Variants in PPARGC1A observed in about 807,000 individuals in gnomAD.
PPARGC1A encodes the protein peroxisome proliferator-activated receptor gamma coactivator 1-alpha.
PPARGC1A carries 25 observed loss-of-function variants against 88.7 expected under a neutral mutation model. The observed-to-expected ratio is 0.28, with a 90% CI of 0.21 to 0.39. PPARGC1A has a LOEUF of 0.39. Among genes scored for constraint, PPARGC1A ranks in the 10% least tolerant of loss-of-function variants. The pLI is 1.00. For missense variants in PPARGC1A, 880 were observed against 968.7 expected, an observed-to-expected ratio of 0.91 and a Z score of 1.22; for synonymous variants, 363 against 355.6, an observed-to-expected ratio of 1.02 and a Z score of -0.24.
the PPARGC1A span, among the ~76,000 whole-genome samples, chr4:23,945,712 T>G: frequency 6.6e-6 from 1 of 152,144 alleles, no homozygotes; most frequent in Non-Finnish European, 1.5e-5. Flanking sequence ...AAGCCTGCCT[T>G]ATAGATCTGT....
At chr4:23,815,660 C>CGTTTGTG (rs558490679) in intron 7 of PPARGC1A, among the ~76,000 whole-genome samples, 163 of 152,224 alleles carry the variant, frequency 1.1e-3, no homozygotes, top group Non-Finnish European at 2.0e-3. Flanking sequence ...CCTACTCATC[C>CGTTTGTG]GTTTGTGCCG....
intron 2 of PPARGC1A, among the ~76,000 whole-genome samples, chr4:23,873,221 A>AAAAAAAAAAAG (rs1297257881): frequency 1.7e-4 from 24 of 142,418 alleles, no homozygotes; most frequent in East Asian, 4.4e-4. Context: ...AAAAAATAAA[A>AAAAAAAAAAAG]AATAAAGAAA....
intron 10 of PPARGC1A, among the ~76,000 whole-genome samples, chr4:23,802,700 A>AT (rs1411523591): frequency 8.6e-5 from 13 of 150,988 alleles, no homozygotes; most frequent in Non-Finnish European, 1.9e-4. Flanking sequence ...AAAAAAAAAA[A>AT]AGCTAACCCT....
chr4:23,908,851 T>C (rs1169772320), upstream of PPARGC1A, among the ~76,000 whole-genome samples: 1 of 152,050 alleles, frequency 6.6e-6, no homozygotes, highest in Non-Finnish European at 1.5e-5. Flanking sequence ...TGTGTGGGAA[T>C]GTGTGTATCT....
the PPARGC1A span, among the ~76,000 whole-genome samples, chr4:24,062,210 C>T: frequency 2.2e-4 from 34 of 152,316 alleles, no homozygotes; most frequent in Admixed American, 1.8e-3. Context: ...CCTAGTAGTA[C>T]TCAGGATGCC....
the PPARGC1A span, among the ~76,000 whole-genome samples, chr4:24,046,953 A>T: frequency 6.6e-6 from 1 of 152,148 alleles, no homozygotes; most frequent in East Asian, 1.9e-4. Context: ...TACCTGCTAC[A>T]TGAATGAGAA....
chr4:24,087,049 G>A, the PPARGC1A span, among the ~76,000 whole-genome samples: 1 of 152,272 alleles, frequency 6.6e-6, no homozygotes, highest in East Asian at 1.9e-4. Flanking sequence ...TATCATAATA[G>A]TAAAGATACC....
the PPARGC1A span, among the ~76,000 whole-genome samples, chr4:23,962,132 T>TA: frequency 6.6e-6 from 1 of 152,082 alleles, no homozygotes; most frequent in African/African-American, 2.4e-5. Flanking sequence ...TATTTTTTTT[T>TA]AATAACAACA....
chr4:24,273,709 T>G, the PPARGC1A span, among the ~76,000 whole-genome samples: 3 of 150,256 alleles, frequency 2.0e-5, no homozygotes, highest in Non-Finnish European at 4.4e-5. Flanking sequence ...AAAATAGCTT[T>G]TGTCCCCTTG....
chr4:23,992,884 A>G, the PPARGC1A span, among the ~76,000 whole-genome samples: 11 of 152,104 alleles, frequency 7.2e-5, no homozygotes, highest in Admixed American at 6.5e-4. Flanking sequence ...CACAGTCTCT[A>G]TGTTCAATTA....
At chr4:24,380,822 C>A in the PPARGC1A span, among the ~76,000 whole-genome samples, 12 of 151,566 alleles carry the variant, frequency 7.9e-5, no homozygotes, top group African/African-American at 2.9e-4. Flanking sequence ...GGTGTCGTTA[C>A]CTAAATCAAG....
chr4:24,438,152 G>A, the PPARGC1A span, among the ~76,000 whole-genome samples: 1 of 152,320 alleles, frequency 6.6e-6, no homozygotes, highest in East Asian at 1.9e-4. Flanking sequence ...CTAATCCAGA[G>A]GTAGCACTGA....
the PPARGC1A span, among the ~76,000 whole-genome samples, chr4:24,466,201 A>C: frequency 6.6e-6 from 1 of 152,330 alleles, no homozygotes; most frequent in East Asian, 1.9e-4. Context: ...TTCCACCAAA[A>C]GAGACAACTT....
At chr4:24,263,787 T>C in the PPARGC1A span, among the ~76,000 whole-genome samples, 1 of 152,174 alleles carries the variant, frequency 6.6e-6, no homozygotes, top group Non-Finnish European at 1.5e-5. Context: ...TCTCACTCTG[T>C]CACCCAGGCT....
chr4:24,047,049 ACT>A, the PPARGC1A span, among the ~76,000 whole-genome samples: 2 of 151,684 alleles, frequency 1.3e-5, no homozygotes, highest in Non-Finnish European at 1.5e-5. Flanking sequence ...ACCATTGAAG[ACT>A]CTGTTTTCTG....
At chr4:24,036,712 A>G in the PPARGC1A span, among the ~76,000 whole-genome samples, 192 of 152,282 alleles carry the variant, frequency 1.3e-3, 1 homozygote, top group Middle Eastern at 3.4e-3. Flanking sequence ...AATTAACCTC[A>G]GGGGGTGATT....
the PPARGC1A span, among the ~76,000 whole-genome samples, chr4:24,213,459 C>T: frequency 2.0e-5 from 3 of 152,186 alleles, no homozygotes; most frequent in Non-Finnish European, 4.4e-5. Context: ...AGCCACCGCG[C>T]CCGGCCGATT....
chr4:24,380,240 A>T, the PPARGC1A span, among the ~76,000 whole-genome samples: 30 of 152,180 alleles, frequency 2.0e-4, no homozygotes, highest in Non-Finnish European at 2.9e-5. Flanking sequence ...TTCAGGGTAG[A>T]AGGAAGAAAA....
the PPARGC1A span, among the ~76,000 whole-genome samples, chr4:24,042,803 G>A: frequency 6.6e-6 from 1 of 151,902 alleles, no homozygotes; most frequent in East Asian, 1.9e-4. Flanking sequence ...TCTTTTTTAG[G>A]CCAAAAAATA....
Sources: gnomAD v4.1 joint callset for allele counts (sites outside exome capture counted in the v4.1 genomes callset) on GRCh38, gnomAD v4.1.1 for gene constraint, MANE v1.5 for transcripts, NCBI Gene and HGNC (gene_info 2026-07-23, HGNC 2026-07-21) for gene names.